AFF1: variants seen among roughly 807,000 people sequenced by gnomAD.
AFF1 encodes ALF transcription elongation factor 1.
A neutral mutation model predicts 121.7 loss-of-function variants in AFF1; 48 were observed. The observed-to-expected ratio is 0.39, with a 90% confidence interval of 0.31 to 0.50. AFF1 has a LOEUF of 0.50. Among genes scored for constraint, AFF1 ranks in the 20% least tolerant of loss-of-function variants. AFF1 has a pLI of 0.76. For synonymous variants in AFF1, 613 were observed against 563.0 expected, an observed-to-expected ratio of 1.09 and a Z score of -1.26; for missense variants, 1,523 against 1,511.7, an observed-to-expected ratio of 1.01 and a Z score of -0.12.
chr4:86,954,861 C>T (rs1457607876), intron 2 of AFF1, among the ~76,000 whole-genome samples: 1 of 152,158 alleles, frequency 6.6e-6, no homozygotes. Context: ...GAAGAAAATC[C>T]ATGTCAATGG....
chr4:87,039,116 C>G (rs937891015), intron 2 of AFF1, among the ~76,000 whole-genome samples: 1 of 152,260 alleles, frequency 6.6e-6, no homozygotes, highest in African/African-American at 2.4e-5. Context: ...AGCCAACACA[C>G]TGCCCCACGT....
chr4:86,988,517 A>G (rs1235247126), intron 2 of AFF1, among the ~76,000 whole-genome samples: 1 of 152,166 alleles, frequency 6.6e-6, no homozygotes, highest in East Asian at 1.9e-4. Context: ...GAGAATTAAA[A>G]ACCACTGCTC....
intron 2 of AFF1, among the ~76,000 whole-genome samples, chr4:87,010,920 CA>C (rs538460927): frequency 6.6e-6 from 1 of 150,666 alleles, no homozygotes; most frequent in Non-Finnish European, 1.5e-5. Flanking sequence ...ACTAAAAATA[CA>C]AAAAAAAATC....
At chr4:87,106,275 C>T (rs751276189) in intron 10 of AFF1, among the ~76,000 whole-genome samples, 1 of 152,114 alleles carries the variant, frequency 6.6e-6, no homozygotes, top group Admixed American at 6.5e-5. Context: ...CCCAGCTACT[C>T]GGCAGGCTGA....
At chr4:87,115,526 G>A (rs184087068) in intron 12 of AFF1, among the ~76,000 whole-genome samples, 1 of 147,640 alleles carries the variant, frequency 6.8e-6, no homozygotes, top group African/African-American at 2.5e-5. Flanking sequence ...GGTCTTGCTA[G>A]TTTGAAAAAA....
At chr4:87,017,598 TC>T (rs1727433407) in intron 2 of AFF1, among the ~76,000 whole-genome samples, 1 of 152,222 alleles carries the variant, frequency 6.6e-6, no homozygotes, top group Non-Finnish European at 1.5e-5. Flanking sequence ...TAAGTAGAAA[TC>T]CTTTATTTTA....
At position 87,076,715 on chromosome 4, in the gene AFF1, C is replaced by T. The variant is rs376293955; in HGVS notation, c.1060-7405C>T. On this transcript the variant is annotated intron_variant, in intron 4 of 20. Coordinates refer to ENST00000395146, the MANE Select transcript of AFF1 (RefSeq NM_001166693.3). ...CTATAACTGTGCTCATATATCTGTC[C>T]AGTGATTTAAAAAAATGTTTATCCT... Among the ~76,000 whole-genome samples, 25 of 152,168 alleles carry T rather than the reference C, an allele frequency of 1.6e-4. No individual in the cohort carries two copies. In the East Asian group the frequency reaches 1.7e-3, roughly 11 times the overall value.
chr4:87,005,968 T>C (rs1164176271), intron 2 of AFF1, among the ~76,000 whole-genome samples: 1 of 152,222 alleles, frequency 6.6e-6, no homozygotes, highest in African/African-American at 2.4e-5. Context: ...TTTGTGTTAT[T>C]CTAAAAATAG....
chr4:87,039,549 G>A (rs931529932), intron 2 of AFF1, among the ~76,000 whole-genome samples: 2 of 152,196 alleles, frequency 1.3e-5, no homozygotes, highest in Non-Finnish European at 2.9e-5. Context: ...TTTATGTTCT[G>A]CAGGTGAGTT....
chr4:87,123,596 G>A (rs1727932453), intron 12 of AFF1, among the ~76,000 whole-genome samples: 1 of 152,210 alleles, frequency 6.6e-6, no homozygotes, highest in Non-Finnish European at 1.5e-5. Context: ...GAATAAAAGT[G>A]TCTTTTCCAA....
At chr4:87,025,319 A>G (rs1049833399) in intron 2 of AFF1, among the ~76,000 whole-genome samples, 25 of 152,350 alleles carry the variant, frequency 1.6e-4, no homozygotes, top group Non-Finnish European at 2.9e-4. Flanking sequence ...ACAACAGCCC[A>G]AAACTTTTTG....
intron 1 of AFF1, among the ~76,000 whole-genome samples, chr4:86,946,433 C>T (rs1720864427): frequency 6.6e-6 from 1 of 151,950 alleles, no homozygotes; most frequent in Non-Finnish European, 1.5e-5. Context: ...TTTCAGCTCA[C>T]TGCAACCTAC....
At chr4:87,068,086 C>T (rs1721561208) in intron 4 of AFF1, among the ~76,000 whole-genome samples, 1 of 110,324 alleles carries the variant, frequency 9.1e-6, no homozygotes, top group African/African-American at 3.6e-5. Context: ...AATAACGAAA[C>T]TTAGGAAACT....
At chr4:86,994,861 C>T (rs376715984) in intron 2 of AFF1, among the ~76,000 whole-genome samples, 1 of 151,966 alleles carries the variant, frequency 6.6e-6, no homozygotes, top group Non-Finnish European at 1.5e-5. Context: ...CATGGGAAAG[C>T]GGGGAGGGGA....
chr4:87,020,125 C>G (rs1030269277), intron 2 of AFF1, among the ~76,000 whole-genome samples: 1 of 152,174 alleles, frequency 6.6e-6, no homozygotes, highest in South Asian at 2.1e-4. Context: ...ACTGTAGGAA[C>G]TGAAAGTTTT....
intron 4 of AFF1, among the ~76,000 whole-genome samples, chr4:87,049,328 C>G (rs1731043682): frequency 1.3e-5 from 2 of 151,682 alleles, no homozygotes; most frequent in Admixed American, 1.3e-4. Context: ...TGAGTTTTCT[C>G]TCTCTGGAAC....
At chr4:87,077,832 G>T (rs981814774) in intron 4 of AFF1, among the ~76,000 whole-genome samples, 1 of 151,964 alleles carries the variant, frequency 6.6e-6, no homozygotes, top group Admixed American at 6.6e-5. Context: ...TTGTAGTTGC[G>T]TAGCATTTAT....
intron 4 of AFF1, among the ~76,000 whole-genome samples, chr4:87,069,209 A>G (rs937564889): frequency 6.8e-6 from 1 of 147,488 alleles, no homozygotes; most frequent in African/African-American, 2.5e-5. Flanking sequence ...GTCCCTTCCC[A>G]TGTCCCCTCC....
chr4:87,034,772 G>A (rs1210039542), intron 2 of AFF1, among the ~76,000 whole-genome samples: 2 of 149,834 alleles, frequency 1.3e-5, no homozygotes, highest in Non-Finnish European at 3.0e-5. Context: ...CATTTGATGG[G>A]TAAAAGAATT....
Sources: allele counts gnomAD v4.1 joint callset (sites outside exome capture counted in the v4.1 genomes callset), GRCh38; gene constraint gnomAD v4.1.1; transcripts MANE v1.5; gene names NCBI Gene and HGNC (gene_info 2026-07-23, HGNC 2026-07-21).